The following SMOC2 variants were observed in gnomAD, a reference collection of about 807,000 sequenced individuals.
SMOC2 encodes the protein SPARC-related modular calcium-binding protein 2.
In SMOC2, 39 loss-of-function variants were observed where a neutral mutation model predicts 61.4. The ratio of observed to expected loss-of-function variants is 0.64; its 90% CI spans 0.49 to 0.83. The LOEUF (loss-of-function observed/expected upper bound fraction) is 0.83. Among genes scored for constraint, SMOC2 ranks in the 40% least tolerant of loss-of-function variants. The probability of loss-of-function intolerance (pLI) is 0.00; values close to 1 mark genes in which losing one functional copy is unlikely to be tolerated. For synonymous variants in SMOC2, 247 were observed against 239.9 expected, an observed-to-expected ratio of 1.03 and a Z score of -0.27; for missense variants, 556 against 592.9, an observed-to-expected ratio of 0.94 and a Z score of 0.65.
intron 9 of SMOC2, among the ~76,000 whole-genome samples, chr6:168,630,025 C>T (rs577350102): frequency 3.9e-5 from 6 of 152,292 alleles, no homozygotes; most frequent in African/African-American, 4.8e-5. Flanking sequence ...ACCCTCATTT[C>T]TCAGGGTTCT....
rs1001239912 is a variant in SMOC2 at position 168,553,744 on chromosome 6, G to A, written c.637+4541G>A. The stretch of plus-strand genomic sequence containing the variant: ...GGGGCGAGGAGGCATCCAGGCTCAC[G>A]GGACGGTTTCTGTATCACGGTTGCC... On this transcript the variant is annotated intron_variant, in intron 7 of 12. Transcript: ENST00000356284. This position sits in a 1 kb window ranked among gnomAD's most constrained non-coding sequence, Gnocchi z 4.2. Among the ~76,000 whole-genome samples, 12 of 152,226 alleles carry A rather than the reference G, an allele frequency of 7.9e-5. No individual in the cohort carries two copies. The East Asian group carries it at 1.3e-3, about 17-fold the overall frequency.
At chr6:168,542,633 G>T (rs528851616) in intron 4 of SMOC2, among the ~76,000 whole-genome samples, 1 of 152,096 alleles carries the variant, frequency 6.6e-6, no homozygotes, top group Non-Finnish European at 1.5e-5. Context: ...GTTTAGGGGT[G>T]TCTGGGCACT....
intron 1 of SMOC2, among the ~76,000 whole-genome samples, chr6:168,466,451 T>G (rs2115008554): frequency 6.6e-6 from 1 of 152,206 alleles, no homozygotes; most frequent in Non-Finnish European, 1.5e-5. Context: ...GATCAGCCGC[T>G]TCTGTGGGTT....
chr6:168,527,873 C>T (rs1451799470), intron 4 of SMOC2, 146 bp downstream of exon 4: 2 of 645,868 alleles, frequency 3.1e-6, no homozygotes, highest in East Asian at 5.5e-5. Flanking sequence ...TAGATCTCGT[C>T]ACTGACAAAG....
rs367968600 is a variant in SMOC2, at chr6:168,488,975, C to T, written c.85-20940C>T. ...TGTTTTAGAGTGAAATATATCGAAT[C>T]GTCTGGGTCCTCTTGGATCACAGTT... is the stretch of plus-strand genomic sequence containing the variant. On this transcript the variant is annotated intron_variant, in intron 1 of 12. Coordinates refer to ENST00000356284, the MANE Select transcript of SMOC2 (RefSeq NM_001166412.2). 9.7e-4 allele frequency among the ~76,000 whole-genome samples: 147 copies of T among 150,894 alleles called. No homozygotes were observed. The Middle Eastern group carries it at 0.014, about 14-fold the overall frequency.
chr6:168,441,870 C>A (rs1030033650), intron 1 of SMOC2, among the ~76,000 whole-genome samples: 4 of 152,098 alleles, frequency 2.6e-5, no homozygotes, highest in African/African-American at 9.7e-5. Flanking sequence ...GGTCTGGGAG[C>A]GCCGGCGCCG....
rs959896001 is a variant in SMOC2 at position 168,444,550 on chromosome 6, T to C, written c.84+3096T>C. 1.9e-4 allele frequency among the ~76,000 whole-genome samples: 29 copies of C among 152,218 alleles called. 1 individual carries two copies. Among genetic ancestry groups the C allele is most frequent in the Admixed American group, 1.7e-3 (26 of 15,280 alleles). On this transcript the variant is annotated intron_variant, in intron 1 of 12. Coordinates refer to ENST00000356284, the MANE Select transcript of SMOC2 (RefSeq NM_001166412.2). ...ATGGCTTTGCACAACTTCCTGGTTA[T>C]TGCTCAGACCCTCTCACCTCCAGTC...
intron 7 of SMOC2, among the ~76,000 whole-genome samples, chr6:168,588,825 G>T (rs953706944): frequency 6.6e-6 from 1 of 152,154 alleles, no homozygotes; most frequent in Non-Finnish European, 1.5e-5. Flanking sequence ...AGGTGTGTTG[G>T]CTCACGCCTG....
At chr6:168,521,204 G>A (rs1783321095) in intron 2 of SMOC2, among the ~76,000 whole-genome samples, 1 of 151,932 alleles carries the variant, frequency 6.6e-6, no homozygotes, top group African/African-American at 2.4e-5. Flanking sequence ...GCTGGAGTAT[G>A]GTGGCACGAT....
At chr6:168,664,204 C>A in intron 12 of SMOC2, 93 bp downstream of exon 12, 2 of 985,426 alleles carry the variant, frequency 2.0e-6, no homozygotes, top group South Asian at 1.3e-5. Flanking sequence ...TGGCCAGTAC[C>A]TTCCAAGAAA....
At chr6:168,495,009 C>T (rs936081087) in intron 1 of SMOC2, among the ~76,000 whole-genome samples, 4 of 152,216 alleles carry the variant, frequency 2.6e-5, no homozygotes, top group Non-Finnish European at 5.9e-5. Context: ...TCCTCCAGGC[C>T]CCGCCTCTGG....
intron 2 of SMOC2, among the ~76,000 whole-genome samples, chr6:168,519,763 C>G (rs1437579056): frequency 2.6e-5 from 4 of 152,114 alleles, no homozygotes; most frequent in Non-Finnish European, 5.9e-5. Context: ...CACAATCATC[C>G]ATTTCGATCT....
intron 1 of SMOC2, among the ~76,000 whole-genome samples, chr6:168,492,794 A>T (rs566378766): frequency 6.6e-6 from 1 of 152,332 alleles, no homozygotes; most frequent in African/African-American, 2.4e-5. Context: ...ATAATTTGTC[A>T]CTCTGAGCAA....
At chr6:168,546,608 G>T (rs1784009687) in intron 5 of SMOC2, among the ~76,000 whole-genome samples, 1 of 152,154 alleles carries the variant, frequency 6.6e-6, no homozygotes, top group Non-Finnish European at 1.5e-5. Flanking sequence ...CAGCAGTGGA[G>T]AGAGGGAGGG....
At chr6:168,562,649 T>G (rs1281987204) in intron 7 of SMOC2, among the ~76,000 whole-genome samples, 1 of 152,228 alleles carries the variant, frequency 6.6e-6, no homozygotes, top group Non-Finnish European at 1.5e-5. Flanking sequence ...TTGTTTATTG[T>G]CAGAGGGTGC....
chr6:168,474,150 T>G (rs139340655), intron 1 of SMOC2, among the ~76,000 whole-genome samples: 1 of 152,068 alleles, frequency 6.6e-6, no homozygotes, highest in Admixed American at 6.5e-5. Flanking sequence ...TTAGCACAGG[T>G]GGGGAGGAAA....
In SMOC2 at chr6:168,441,202, G is replaced by T. The variant is rs1281414515; in HGVS notation, c.-169G>T. The stretch of plus-strand genomic sequence containing the variant: ...CGCAAAGAACGCGGAGGACCTCTGG[G>T]TGCCTGCAGGGGAGCTGCTCCAGCC... On this transcript the variant is annotated 5_prime_UTR_variant, in exon 1 of 13. Transcript: ENST00000356284. 4 of 1,007,310 alleles carry T rather than the reference G, an allele frequency of 4.0e-6. No homozygotes were observed. The African/African-American group carries it at 5.2e-5, about 13-fold the overall frequency. 62.4% of individuals were successfully genotyped at this position (1,007,310 alleles called of 1,614,324 possible). A position where few individuals can be genotyped will look rare whatever the true frequency, so the allele number is the denominator to read the frequency against.
At chr6:168,664,921 A>C (rs1787622050) in intron 12 of SMOC2, 1 of 425,518 alleles carries the variant, frequency 2.4e-6, no homozygotes, top group Non-Finnish European at 4.9e-6. Context: ...TGCCAGGTCG[A>C]CATTTCCTAA....
At chr6:168,608,535 C>T (rs958881734) in intron 9 of SMOC2, among the ~76,000 whole-genome samples, 1 of 152,324 alleles carries the variant, frequency 6.6e-6, no homozygotes, top group South Asian at 2.1e-4. Flanking sequence ...CCTAACCTCT[C>T]TAGATGCTCC....
Sources: gnomAD v4.1 joint callset for allele counts (sites outside exome capture counted in the v4.1 genomes callset) on GRCh38, gnomAD v4.1.1 for gene constraint, Gnocchi (gnomAD v3.1) non-coding constraint, MANE v1.5 for transcripts, NCBI Gene and HGNC (gene_info 2026-07-23, HGNC 2026-07-21) for gene names.